The following LCA5 variants were observed in gnomAD, a reference collection of about 807,000 sequenced individuals.
LCA5 encodes lebercilin LCA5.
LCA5 carries 37 observed loss-of-function variants against 53.0 expected under a neutral mutation model. The observed-to-expected ratio is 0.70, with a 90% CI of 0.54 to 0.92. LCA5 has a LOEUF of 0.92. Among genes scored for constraint, LCA5 ranks in the 40% least tolerant of loss-of-function variants. LCA5 has a pLI of 0.00. For synonymous variants in LCA5, 303 were observed against 282.9 expected, an observed-to-expected ratio of 1.07 and a Z score of -0.71; for missense variants, 806 against 790.5, an observed-to-expected ratio of 1.02 and a Z score of -0.23.
intron 3 of LCA5, among the ~76,000 whole-genome samples, chr6:79,509,181 G>A (rs571258660): frequency 4.6e-5 from 7 of 152,274 alleles, no homozygotes; most frequent in South Asian, 4.1e-4. Flanking sequence ...ATGGCTGGGC[G>A]TGGTGGCTCA....
At chr6:79,519,770 A>T (rs1766568203) in intron 1 of LCA5, among the ~76,000 whole-genome samples, 1 of 151,930 alleles carries the variant, frequency 6.6e-6, no homozygotes, top group African/African-American at 2.4e-5. Flanking sequence ...TGACCACACA[A>T]AAAATGTATA....
At chr6:79,526,132 T>C (rs1415600380) in intron 1 of LCA5, among the ~76,000 whole-genome samples, 2 of 152,182 alleles carry the variant, frequency 1.3e-5, no homozygotes, top group Non-Finnish European at 2.9e-5. Context: ...TTCACAGAAA[T>C]GCCCAAAGCA....
At chr6:79,505,139 T>C (rs1010986521) in intron 3 of LCA5, among the ~76,000 whole-genome samples, 2 of 152,178 alleles carry the variant, frequency 1.3e-5, no homozygotes, top group African/African-American at 4.8e-5. Flanking sequence ...GGGAAGGTTA[T>C]CTTAGATATT....
At chr6:79,509,322 T>C (rs902965397) in intron 3 of LCA5, among the ~76,000 whole-genome samples, 1 of 151,792 alleles carries the variant, frequency 6.6e-6, no homozygotes, top group Non-Finnish European at 1.5e-5. Context: ...GGCATGGTTG[T>C]GTGTGCCTGT....
intron 3 of LCA5, among the ~76,000 whole-genome samples, chr6:79,500,823 T>C (rs2127673137): frequency 6.7e-6 from 1 of 149,050 alleles, no homozygotes; most frequent in Middle Eastern, 3.4e-3. Context: ...ATGAAGTAAG[T>C]TACATTTTTC....
At chr6:79,526,824 C>A (rs990639257) in intron 1 of LCA5, among the ~76,000 whole-genome samples, 14 of 152,208 alleles carry the variant, frequency 9.2e-5, no homozygotes, top group Admixed American at 6.5e-4. Flanking sequence ...ATTAGAACAG[C>A]CCCAGGAAAA....
At chr6:79,494,637 G>A (rs1185671736) in intron 3 of LCA5, among the ~76,000 whole-genome samples, 1 of 152,068 alleles carries the variant, frequency 6.6e-6, no homozygotes, top group Non-Finnish European at 1.5e-5. Flanking sequence ...TATAATTTGA[G>A]ACTTTGATAT....
chr6:79,489,254 T>C (rs757216081), intron 6 of LCA5, 38 bp from the exon 7 acceptor site: 157 of 1,601,152 alleles, frequency 9.8e-5, no homozygotes, highest in Non-Finnish European at 1.3e-4. Flanking sequence ...TCACAAATTA[T>C]AGAAAAGGGG....
intron 1 of LCA5, among the ~76,000 whole-genome samples, chr6:79,530,495 C>T (rs1766926526): frequency 6.6e-6 from 1 of 152,034 alleles, no homozygotes. Context: ...GCACATGTAC[C>T]CCTGAACTTA....
chr6:79,491,817 C>T (rs1769852313), intron 5 of LCA5, 87 bp from the exon 6 acceptor site: 2 of 1,124,618 alleles, frequency 1.8e-6, no homozygotes, highest in South Asian at 1.3e-5. Flanking sequence ...TATATATATG[C>T]ATGTGTGTTT....
chr6:79,497,251 G>A (rs868640147), intron 3 of LCA5, among the ~76,000 whole-genome samples: 11 of 152,200 alleles, frequency 7.2e-5, no homozygotes, highest in African/African-American at 2.6e-4. Context: ...ATATTCTTAA[G>A]GCAGCTCCAC....
intron 6 of LCA5, 33 bp downstream of exon 6, chr6:79,491,555 G>A (rs200973666): frequency 6.3e-5 from 101 of 1,609,764 alleles, no homozygotes; most frequent in East Asian, 5.6e-4. Flanking sequence ...ACTTCAGACC[G>A]AGTTTGGTAC....
At chr6:79,519,861 T>C (rs1196470402) in intron 1 of LCA5, among the ~76,000 whole-genome samples, 1 of 152,122 alleles carries the variant, frequency 6.6e-6, no homozygotes, top group Non-Finnish European at 1.5e-5. Context: ...ATTGTTATCA[T>C]CTTCAATACA....
intron 1 of LCA5, among the ~76,000 whole-genome samples, chr6:79,533,204 T>C (rs1767006901): frequency 6.6e-6 from 1 of 152,160 alleles, no homozygotes; most frequent in African/African-American, 2.4e-5. Flanking sequence ...ATAATACTAT[T>C]GAATGAATAT....
At chr6:79,526,965 C>T (rs1398136361) in intron 1 of LCA5, among the ~76,000 whole-genome samples, 1 of 152,180 alleles carries the variant, frequency 6.6e-6, no homozygotes. Flanking sequence ...TCCACCCTGT[C>T]ACCCCTTAGG....
chr6:79,498,545 T>C (rs1468130396), intron 3 of LCA5, among the ~76,000 whole-genome samples: 1 of 151,992 alleles, frequency 6.6e-6, no homozygotes, highest in Non-Finnish European at 1.5e-5. Flanking sequence ...AGAGTGAAGA[T>C]AAAATACATT....
intron 1 of LCA5, chr6:79,525,086 C>T (rs1323351743): frequency 3.3e-5 from 5 of 152,016 alleles, no homozygotes; most frequent in Non-Finnish European, 4.4e-5. Context: ...TCTCGCATTA[C>T]TGAGGTAATA....
At chr6:79,495,744 C>T (rs1462429523) in intron 3 of LCA5, among the ~76,000 whole-genome samples, 1 of 140,570 alleles carries the variant, frequency 7.1e-6, no homozygotes, top group African/African-American at 2.6e-5. Flanking sequence ...GAGCAAGACT[C>T]CATCTCAAAA....
chr6:79,521,791 T>G (rs1332425703), intron 1 of LCA5, among the ~76,000 whole-genome samples: 1 of 152,174 alleles, frequency 6.6e-6, no homozygotes, highest in African/African-American at 2.4e-5. Flanking sequence ...GTGAAATGCC[T>G]GATTCCATTT....
Sources: gnomAD v4.1 joint callset for allele counts (sites outside exome capture counted in the v4.1 genomes callset) on GRCh38, gnomAD v4.1.1 for gene constraint, MANE v1.5 for transcripts, NCBI Gene and HGNC (gene_info 2026-07-23, HGNC 2026-07-21) for gene names.